MORC3: variants seen among roughly 807,000 people sequenced by gnomAD.
The protein encoded by MORC3 is MORC family CW-type zinc finger 3, also known as MORC family CW-type zinc finger protein 3.
Under a neutral mutation model 109.1 loss-of-function variants are expected in MORC3, and 31 were observed. The observed-to-expected ratio is 0.28, with a 90% CI of 0.21 to 0.38. The LOEUF (loss-of-function observed/expected upper bound fraction) is 0.38. Ranked by LOEUF, MORC3 falls within the 10% of genes least tolerant of loss-of-function variation. MORC3 has a pLI of 1.00. For missense variants in MORC3, 867 were observed against 1,135.8 expected (o/e 0.76, Z 3.40); for synonymous variants, 395 against 380.7 (o/e 1.04, Z -0.44).
In MORC3 at chr21:36,333,715, A is replaced by G. The variant is rs1445937184; in HGVS notation, c.109A>G (p.Ile37Val). Residue 37 changes from isoleucine to valine, a missense_variant, in exon 2 of 17, where the codon ATA (isoleucine) becomes GTA (valine). Ile to Val is a conservative substitution (Grantham distance 29, BLOSUM62 3). Around this residue, in one of 7 missense-constraint regions of MORC3, gnomAD observed 53 missense variants for 130.3 expected, o/e 0.41. Coordinates refer to ENST00000400485, the MANE Select transcript of MORC3 (RefSeq NM_015358.3). The stretch of plus-strand genomic sequence containing the variant: ...GCCATTCAGTGCAGTTGCTGAATTA[A>G]TAGGTATGTAGTTTGACATTTCATA... ...TWPFSAVAELIDNAYDPDVNA... is the reference protein window; with the variant it reads ...TWPFSAVAELVDNAYDPDVNA... The G allele has an allele frequency of 1.1e-5, 17 of 1,606,018 alleles. 1 individual carries two copies. Among genetic ancestry groups the G allele is most frequent in the Middle Eastern group, 3.3e-4 (2 of 6,058 alleles).
intron 8 of MORC3, among the ~76,000 whole-genome samples, chr21:36,347,003 C>G (rs909909124): frequency 7.6e-6 from 1 of 131,828 alleles, no homozygotes; most frequent in African/African-American, 3.2e-5. Flanking sequence ...GAGACCCTGT[C>G]TCTTAAAAAA....
chr21:36,367,260 C>T (rs780702064), intron 14 of MORC3, among the ~76,000 whole-genome samples: 47 of 152,182 alleles, frequency 3.1e-4, no homozygotes, highest in Non-Finnish European at 5.4e-4. Context: ...CCCTTCCCTC[C>T]TCACTGGGCT....
At chr21:36,352,404 G>T (rs1218658638) in intron 9 of MORC3, among the ~76,000 whole-genome samples, 2 of 150,474 alleles carry the variant, frequency 1.3e-5, no homozygotes, top group East Asian at 3.9e-4. Context: ...GGGGTGGGGG[G>T]GGGCAGGTTG....
At chr21:36,333,009 G>A (rs569864535) in intron 1 of MORC3, among the ~76,000 whole-genome samples, 5 of 152,062 alleles carry the variant, frequency 3.3e-5, no homozygotes, top group African/African-American at 1.2e-4. Context: ...GGATGGTCTC[G>A]ATCTCCTGAC....
intron 1 of MORC3, among the ~76,000 whole-genome samples, chr21:36,325,204 T>C (rs1253983102): frequency 6.6e-6 from 1 of 152,162 alleles, no homozygotes; most frequent in Non-Finnish European, 1.5e-5. Context: ...TTTTAAAAAC[T>C]GAAAATTTTA....
At chr21:36,328,485 C>T (rs372255597) in intron 1 of MORC3, among the ~76,000 whole-genome samples, 4 of 151,594 alleles carry the variant, frequency 2.6e-5, no homozygotes, top group Non-Finnish European at 4.4e-5. Flanking sequence ...GGGACACAGG[C>T]GCGCACCACC....
At chr21:36,338,113 C>T (rs1484978562) in intron 4 of MORC3, among the ~76,000 whole-genome samples, 167 bp downstream of exon 4, 1 of 152,150 alleles carries the variant, frequency 6.6e-6, no homozygotes, top group Non-Finnish European at 1.5e-5. Context: ...GGGTTTGTCC[C>T]TTTCTCTTCT....
intron 1 of MORC3, among the ~76,000 whole-genome samples, chr21:36,330,724 G>A (rs966091217): frequency 2.0e-5 from 3 of 152,184 alleles, no homozygotes; most frequent in South Asian, 4.1e-4. Flanking sequence ...GATGTAGAGT[G>A]GGGGAGGAGT....
At chr21:36,362,498 G>A (rs116438467) in intron 13 of MORC3, among the ~76,000 whole-genome samples, 1 of 151,912 alleles carries the variant, frequency 6.6e-6, no homozygotes, top group Non-Finnish European at 1.5e-5. Flanking sequence ...AGAAAGATTG[G>A]TACCATTGCA....
intron 16 of MORC3, 137 bp downstream of exon 16, chr21:36,372,668 T>C (rs890879956): frequency 3.5e-6 from 3 of 854,150 alleles, no homozygotes; most frequent in Non-Finnish European, 4.8e-6. Context: ...CCTGGTGTTA[T>C]GATAGATAAA....
At chr21:36,343,857 T>TTATTAG (rs1476021006) in intron 6 of MORC3, among the ~76,000 whole-genome samples, 1 of 152,110 alleles carries the variant, frequency 6.6e-6, no homozygotes, top group East Asian at 1.9e-4. Context: ...AGCAATTACA[T>TTATTAG]TATTAGTAAT....
chr21:36,368,331 C>A (rs796917630), intron 14 of MORC3, among the ~76,000 whole-genome samples: 2 of 151,912 alleles, frequency 1.3e-5, no homozygotes, highest in Non-Finnish European at 2.9e-5. Flanking sequence ...GGTGCCATTC[C>A]CTGAGCTGAA....
intron 8 of MORC3, among the ~76,000 whole-genome samples, chr21:36,349,060 CGA>C (rs2085543626): frequency 6.6e-6 from 1 of 151,852 alleles, no homozygotes; most frequent in African/African-American, 2.4e-5. Context: ...GCTGAGGCAA[CGA>C]GAGTCACTTG....
At chr21:36,339,223 G>A (rs1021840680) in intron 5 of MORC3, 5 of 197,968 alleles carry the variant, frequency 2.5e-5, no homozygotes, top group East Asian at 1.3e-4. Context: ...AGGTTTAAGC[G>A]ATTCTCCTGC....
chr21:36,328,330 G>GCCCCCCCCCCCCCC (rs997805995), intron 1 of MORC3, among the ~76,000 whole-genome samples: 1 of 138,040 alleles, frequency 7.2e-6, no homozygotes, highest in Non-Finnish European at 1.6e-5. Context: ...ATAATAATAA[G>GCCCCCCCCCCCCCC]CCCCCCCCCG....
In MORC3 at chr21:36,375,144, C is replaced by T; in HGVS notation, c.2668C>T (p.Leu890Phe). The change falls in exon 17 of 17, where the codon CTC (leucine) becomes TTC (phenylalanine). Residue 890 changes from leucine to phenylalanine, a missense_variant and splice_region_variant. By Grantham distance (22) the Leu-to-Phe change is conservative (BLOSUM62 0). This residue lies in a region of MORC3 where 486 missense variants were observed against 502.1 expected (regional missense o/e 0.97). Coordinates refer to ENST00000400485, the MANE Select transcript of MORC3 (RefSeq NM_015358.3). ...ESVNHMDGES[L>F]KLRSLRVNVG... is the part of the protein sequence containing the mutation. ...TAAGTTACATATTTGTATTTGCAGC[C>T]TCAAACTCCGATCTCTTCGAGTTAA... The T allele has an allele frequency of 1.2e-6, 2 of 1,610,440 alleles. No homozygotes were observed. Among genetic ancestry groups the T allele is most frequent in the Middle Eastern group, 3.3e-4 (2 of 6,044 alleles).
At chr21:36,327,241 C>T (rs1482445689) in intron 1 of MORC3, among the ~76,000 whole-genome samples, 1 of 143,350 alleles carries the variant, frequency 7.0e-6, no homozygotes, top group Non-Finnish European at 1.5e-5. Flanking sequence ...ACTGCAACCT[C>T]TTCCTCCCAT....
At chr21:36,370,173 A>T (rs764393915) in intron 15 of MORC3, among the ~76,000 whole-genome samples, 26 of 152,234 alleles carry the variant, frequency 1.7e-4, no homozygotes, top group Non-Finnish European at 3.5e-4. Flanking sequence ...GCACCACCAC[A>T]TTCCAGCCTG....
At chr21:36,326,634 T>C (rs2085250646) in intron 1 of MORC3, among the ~76,000 whole-genome samples, 2 of 152,116 alleles carry the variant, frequency 1.3e-5, no homozygotes, top group East Asian at 3.8e-4. Context: ...TGAGATGCAT[T>C]CTCTGAGAAT....
Sources: allele counts gnomAD v4.1 joint callset (sites outside exome capture counted in the v4.1 genomes callset), GRCh38; gene constraint gnomAD v4.1.1; regional missense constraint gnomAD v4.1.1; transcripts MANE v1.5; gene names NCBI Gene and HGNC (gene_info 2026-07-23, HGNC 2026-07-21).